The following VWDE variants were observed in gnomAD, a reference collection of about 807,000 sequenced individuals.
VWDE encodes the protein von Willebrand factor D and EGF domains, also known as von Willebrand factor D and EGF domain-containing protein.
VWDE carries 207 observed loss-of-function variants against 178.4 expected under a neutral mutation model. That is an observed-to-expected ratio of 1.16 (90% CI 1.04 to 1.30). VWDE has a LOEUF of 1.30. Among genes scored for constraint, VWDE ranks in the 50% most tolerant of loss-of-function variants. The pLI, the probability that VWDE is intolerant of heterozygous loss-of-function variation, is 0.00. For missense variants in VWDE, 2,287 were observed against 1,901.3 expected, an observed-to-expected ratio of 1.20 and a Z score of -3.77; for synonymous variants, 738 against 651.4, an observed-to-expected ratio of 1.13 and a Z score of -2.02.
chr7:12,375,649 G>A (rs1432695293), intron 7 of VWDE, among the ~76,000 whole-genome samples: 1 of 151,982 alleles, frequency 6.6e-6, no homozygotes, highest in Admixed American at 6.6e-5. Context: ...TAGCATATGT[G>A]TTCATGTTCC....
chr7:12,376,861 T>G (rs976680977), intron 7 of VWDE, among the ~76,000 whole-genome samples: 2 of 152,070 alleles, frequency 1.3e-5, no homozygotes, highest in African/African-American at 4.8e-5. Flanking sequence ...CCATCTCTTT[T>G]CTTGAGTGCA....
chr7:12,361,013 A>T (rs1243993475), intron 15 of VWDE, 134 bp downstream of exon 15: 9 of 549,826 alleles, frequency 1.6e-5, no homozygotes, highest in Non-Finnish European at 2.5e-5. Flanking sequence ...GTTAACTTAT[A>T]TAAACTTGAG....
At chr7:12,358,279 C>G (rs571294601) in intron 16 of VWDE, among the ~76,000 whole-genome samples, 1 of 151,480 alleles carries the variant, frequency 6.6e-6, no homozygotes, top group South Asian at 2.1e-4. Flanking sequence ...GAGGCTGAAG[C>G]AGGAGAATTG....
Position 12,370,458 on chromosome 7 carries a change from T to C in VWDE, c.1848A>G (p.Ser616=), listed in dbSNP as rs1449525522. ...AGCTACAATAGGATGGCTTTCCAGG[T>C]GATGTCATAGAAACTGGCAGTGTGT... is the stretch of plus-strand genomic sequence containing the variant. ...MSDTLPVSMT[S]PGKPSYCSCS... The change falls in exon 12 of 29, where the codon TCA becomes TCG. Residue 616 remains serine (S), a synonymous_variant. Coordinates refer to ENST00000275358, the MANE Select transcript of VWDE (RefSeq NM_001135924.3). 4 of 1,542,440 alleles carry C rather than the reference T, an allele frequency of 2.6e-6. No individual in the cohort carries two copies. In the East Asian group the frequency reaches 7.3e-5, roughly 28 times the overall value.
chr7:12,373,102 C>A lies in VWDE; in HGVS notation c.1462G>T (p.Asp488Tyr). ...NCGFVAQEGG[D>Y]IVTFDMCNGQ... is the part of the protein sequence containing the mutation. ...TTGCACATATCAAAAGTAACTATAT[C>A]ACCTCCTTCCTGGGCAACAAACCCA... Residue 488 changes from aspartate (D) to tyrosine (Y), a missense_variant, in exon 10 of 29, where the codon GAT becomes TAT. Transcript: ENST00000275358. 6.4e-7 allele frequency: 1 copy of A among 1,551,242 alleles called. No individual in the cohort carries two copies. Among genetic ancestry groups the A allele is most frequent in the Non-Finnish European group, 8.7e-7 (1 of 1,146,760 alleles).
intron 17 of VWDE, 40 bp downstream of exon 17, chr7:12,357,225 C>T: frequency 6.5e-7 from 1 of 1,532,954 alleles, no homozygotes; most frequent in Non-Finnish European, 8.8e-7. Flanking sequence ...GTTAAAATTG[C>T]AAAAGAATCC....
At chr7:12,368,078 T>G (rs76182882) in intron 12 of VWDE, among the ~76,000 whole-genome samples, 1,534 of 151,692 alleles carry the variant, frequency 0.01, 36 homozygotes, top group African/African-American at 0.036. Flanking sequence ...TGATGAAAAT[T>G]TTTTTTAAAG....
intron 19 of VWDE, among the ~76,000 whole-genome samples, chr7:12,347,711 T>C (rs973810923): frequency 3.3e-5 from 5 of 151,966 alleles, no homozygotes; most frequent in Non-Finnish European, 7.4e-5. Context: ...TTCACAGAAT[T>C]GGAAAAAACT....
At chr7:12,401,248 T>G (rs1784879766) in intron 1 of VWDE, among the ~76,000 whole-genome samples, 1 of 152,038 alleles carries the variant, frequency 6.6e-6, no homozygotes, top group Middle Eastern at 3.2e-3. Flanking sequence ...AAATAAAAGA[T>G]ATCCAGATTG....
chr7:12,354,579 T>C (rs1196836931), intron 18 of VWDE: 1 of 241,968 alleles, frequency 4.1e-6, no homozygotes, highest in East Asian at 1.2e-4. Context: ...ACTTTTTATG[T>C]CTGTCCTTCT....
intron 13 of VWDE, among the ~76,000 whole-genome samples, chr7:12,361,804 C>T (rs780905625): frequency 2.0e-4 from 31 of 151,950 alleles, no homozygotes; most frequent in Admixed American, 3.3e-4. Context: ...CACTATGTAA[C>T]GACTTTTGTA....
At chr7:12,379,115 C>G (rs941904013) in intron 6 of VWDE, among the ~76,000 whole-genome samples, 2 of 152,218 alleles carry the variant, frequency 1.3e-5, no homozygotes, top group African/African-American at 4.8e-5. Flanking sequence ...CAATTCTACT[C>G]TAGTCAGAGA....
intron 19 of VWDE, among the ~76,000 whole-genome samples, chr7:12,348,756 G>A (rs1314380481): frequency 6.6e-6 from 1 of 151,132 alleles, no homozygotes; most frequent in East Asian, 1.9e-4. Flanking sequence ...AAATCAGGCT[G>A]CTATAAAGAC....
intron 18 of VWDE, 131 bp from the exon 19 acceptor site, chr7:12,351,844 T>C (rs1781963819): frequency 5.3e-6 from 4 of 755,322 alleles, no homozygotes. Flanking sequence ...CTCACTTAAA[T>C]GTCATCTCTT....
chr7:12,361,869 A>G (rs1782599584), intron 13 of VWDE, among the ~76,000 whole-genome samples: 2 of 151,976 alleles, frequency 1.3e-5, no homozygotes, highest in Non-Finnish European at 2.9e-5. Flanking sequence ...TTCTGCCCAG[A>G]AATTCCTTCA....
intron 12 of VWDE, among the ~76,000 whole-genome samples, chr7:12,368,423 G>T (rs1173118268): frequency 6.6e-6 from 1 of 152,040 alleles, no homozygotes; most frequent in East Asian, 1.9e-4. Flanking sequence ...AGTAAAGAAA[G>T]TAAGTCATAA....
intron 6 of VWDE, among the ~76,000 whole-genome samples, chr7:12,379,255 C>A (rs1783702345): frequency 6.6e-6 from 1 of 152,180 alleles, no homozygotes; most frequent in Non-Finnish European, 1.5e-5. Flanking sequence ...TGAGCTATTT[C>A]TTTAAAAAAT....
At chr7:12,331,238 T>G in intron 28 of VWDE, 41 bp from the exon 29 acceptor site, 4 of 1,503,868 alleles carry the variant, frequency 2.7e-6, no homozygotes, top group Non-Finnish European at 3.6e-6. Context: ...ATGAATAGTA[T>G]AAAATCATTT....
At chr7:12,352,949 T>C (rs1782025401) in intron 18 of VWDE, among the ~76,000 whole-genome samples, 1 of 152,218 alleles carries the variant, frequency 6.6e-6, no homozygotes, top group Non-Finnish European at 1.5e-5. Context: ...TAGCTGATTA[T>C]TCTAAGATTT....
Sources: gnomAD v4.1 joint callset for allele counts (sites outside exome capture counted in the v4.1 genomes callset) on GRCh38, gnomAD v4.1.1 for gene constraint, MANE v1.5 for transcripts, NCBI Gene and HGNC (gene_info 2026-07-23, HGNC 2026-07-21) for gene names.